The following IFT56 variants were observed in gnomAD, a reference collection of about 807,000 sequenced individuals.
The protein encoded by IFT56 is intraflagellar transport 56, also known as intraflagellar transport protein 56.
chr7:139,187,271 A>G, the IFT56 span: 6 of 1,076,126 alleles, frequency 5.6e-6, no homozygotes, highest in African/African-American at 4.8e-5. Flanking sequence ...AAGTTTTTCT[A>G]ACTTGCTAAC....
chr7:139,187,610 G>T, the IFT56 span: 1 of 1,536,406 alleles, frequency 6.5e-7, no homozygotes, highest in South Asian at 1.2e-5. Context: ...TTGTTCTCTT[G>T]GATGATATCT....
At chr7:139,142,821 G>T in the IFT56 span, among the ~76,000 whole-genome samples, 4 of 152,128 alleles carry the variant, frequency 2.6e-5, no homozygotes, top group African/African-American at 9.7e-5. Context: ...GACAGCACGA[G>T]ACTGTGTCTC....
At chr7:139,158,461 T>C in the IFT56 span, among the ~76,000 whole-genome samples, 2 of 152,194 alleles carry the variant, frequency 1.3e-5, no homozygotes, top group Non-Finnish European at 2.9e-5. Flanking sequence ...AAGATATCCT[T>C]TATCAGATTA....
At chr7:139,187,463 A>G in the IFT56 span, 1 of 1,614,184 alleles carries the variant, frequency 6.2e-7, no homozygotes, top group Non-Finnish European at 8.5e-7. Context: ...GCTGGATCCT[A>G]ACCCTGAATA....
chr7:139,167,774 A>G, the IFT56 span, among the ~76,000 whole-genome samples: 1 of 152,022 alleles, frequency 6.6e-6, no homozygotes, highest in African/African-American at 2.4e-5. Context: ...CCCCGTCTCT[A>G]CTACAAATAC....
At chr7:139,139,844 A>G in the IFT56 span, 3 of 1,325,372 alleles carry the variant, frequency 2.3e-6, no homozygotes, top group East Asian at 4.7e-5. Context: ...TGGCCCATCA[A>G]TTGCTTTGCT....
the IFT56 span, chr7:139,181,001 G>A: frequency 1.3e-6 from 1 of 779,678 alleles, no homozygotes; most frequent in Non-Finnish European, 2.0e-6. Flanking sequence ...TTGGAATATA[G>A]AACCAAATCC....
chr7:139,137,706 T>G, the IFT56 span: 1 of 591,182 alleles, frequency 1.7e-6, no homozygotes, highest in Non-Finnish European at 3.0e-6. Flanking sequence ...CCTGTAGGTA[T>G]AGGTTTAATT....
At chr7:139,170,335 G>A in the IFT56 span, among the ~76,000 whole-genome samples, 1 of 152,176 alleles carries the variant, frequency 6.6e-6, no homozygotes, top group Non-Finnish European at 1.5e-5. Context: ...AAGAAAGGAG[G>A]AGGGAATATT....
At chr7:139,172,554 C>T in the IFT56 span, 1 of 537,820 alleles carries the variant, frequency 1.9e-6, no homozygotes, top group Non-Finnish European at 3.7e-6. Flanking sequence ...TAATGCACCT[C>T]ACAGGCAGCG....
chr7:139,189,476 A>T, the IFT56 span: 1 of 1,341,940 alleles, frequency 7.5e-7, no homozygotes, highest in Non-Finnish European at 1.1e-6. Flanking sequence ...TTTGACATAA[A>T]ACTGGAAATC....
the IFT56 span, chr7:139,189,734 CT>C: frequency 1.0e-4 from 19 of 186,930 alleles, no homozygotes; most frequent in East Asian, 2.6e-4. Flanking sequence ...AACAGTATAA[CT>C]TTTTTTTGTT....
At chr7:139,171,346 A>T in the IFT56 span, among the ~76,000 whole-genome samples, 1 of 152,206 alleles carries the variant, frequency 6.6e-6, no homozygotes, top group African/African-American at 2.4e-5. Flanking sequence ...AAACAATCCT[A>T]AAATTTATAC....
chr7:139,175,580 C>T, the IFT56 span, among the ~76,000 whole-genome samples: 1 of 152,218 alleles, frequency 6.6e-6, no homozygotes, highest in Non-Finnish European at 1.5e-5. Flanking sequence ...GAGATGAGAT[C>T]CTGTCATTTC....
At chr7:139,153,522 T>G in the IFT56 span, among the ~76,000 whole-genome samples, 121 of 152,172 alleles carry the variant, frequency 8.0e-4, no homozygotes, top group Admixed American at 1.3e-3. Context: ...CAACCACTAA[T>G]GTACTTTGTC....
At chr7:139,142,550 A>AC in the IFT56 span, among the ~76,000 whole-genome samples, 2 of 134,220 alleles carry the variant, frequency 1.5e-5, no homozygotes, top group Admixed American at 1.5e-4. Flanking sequence ...AGAAGTTTAG[A>AC]CTGGCATGAT....
chr7:139,181,955 T>C, the IFT56 span, among the ~76,000 whole-genome samples: 2 of 152,036 alleles, frequency 1.3e-5, no homozygotes, highest in East Asian at 3.8e-4. Flanking sequence ...CCAAGTAAAA[T>C]GTAAAGTGAG....
the IFT56 span, among the ~76,000 whole-genome samples, chr7:139,156,785 T>C: frequency 2.6e-5 from 4 of 152,246 alleles, 1 homozygote; most frequent in South Asian, 8.3e-4. Context: ...AGTGTTTAGA[T>C]ATGTCTGCTT....
the IFT56 span, among the ~76,000 whole-genome samples, chr7:139,184,792 T>C: frequency 2.8e-4 from 42 of 152,138 alleles, no homozygotes; most frequent in Admixed American, 4.6e-4. Context: ...TGGTGGCTGA[T>C]GCCTGTAATC....
Sources: allele counts gnomAD v4.1 joint callset (sites outside exome capture counted in the v4.1 genomes callset), GRCh38; gene constraint gnomAD v4.1.1; transcripts MANE v1.5; gene names NCBI Gene and HGNC (gene_info 2026-07-23, HGNC 2026-07-21).